The following SEC11A variants were observed in gnomAD, a reference collection of about 807,000 sequenced individuals.
SEC11A encodes the protein signal peptidase complex catalytic subunit SEC11A.
A neutral mutation model predicts 25.6 loss-of-function variants in SEC11A; 14 were observed. The ratio of observed to expected loss-of-function variants is 0.55; its 90% CI spans 0.36 to 0.85. The LOEUF (loss-of-function observed/expected upper bound fraction) is 0.85, where lower values mean the gene tolerates loss of function less well. Among genes scored for constraint, SEC11A ranks in the 40% least tolerant of loss-of-function variants. The pLI is 0.01. For synonymous variants in SEC11A, 83 were observed against 76.4 expected (o/e 1.09, Z -0.45); for missense variants, 153 against 222.9 (o/e 0.69, Z 2.00).
intron 1 of SEC11A, among the ~76,000 whole-genome samples, chr15:84,698,047 A>C (rs1897819064): frequency 6.6e-6 from 1 of 152,028 alleles, no homozygotes; most frequent in Non-Finnish European, 1.5e-5. Flanking sequence ...CCTTCCCCCA[A>C]ACTCCTGTGA....
At chr15:84,707,577 G>A (rs1898134386) in intron 1 of SEC11A, among the ~76,000 whole-genome samples, 1 of 151,942 alleles carries the variant, frequency 6.6e-6, no homozygotes, top group South Asian at 2.1e-4. Context: ...CATGTTTTTT[G>A]GACAAAATTT....
intron 4 of SEC11A, among the ~76,000 whole-genome samples, chr15:84,675,511 A>G (rs1369307369): frequency 6.6e-6 from 1 of 152,250 alleles, no homozygotes; most frequent in Non-Finnish European, 1.5e-5. Context: ...ATATGCGATG[A>G]CCAGAAAAGG....
In SEC11A at chr15:84,691,684, C is replaced by T. The variant is rs1245973344; in HGVS notation, c.52-40G>A. On this transcript the variant is annotated intron_variant, in intron 1 of 5. Transcript: ENST00000268220. The stretch of plus-strand genomic sequence containing the variant: ...CAGAAGAGATCAGATCCACCATTAT[C>T]CCCACTTCGGAAAGCAACTGAAAGC... 8.4e-6 allele frequency: 10 copies of T among 1,197,100 alleles called. No individual in the cohort carries two copies. The South Asian group carries it at 1.1e-4, about 13-fold the overall frequency. 74.2% of individuals were successfully genotyped at this position (1,197,100 alleles called of 1,614,324 possible).
chr15:84,688,352 C>A (rs1432133521), intron 2 of SEC11A, among the ~76,000 whole-genome samples: 2 of 152,120 alleles, frequency 1.3e-5, no homozygotes, highest in Non-Finnish European at 2.9e-5. Context: ...AAGGAATAAG[C>A]AGAGATTTTT....
intron 2 of SEC11A, among the ~76,000 whole-genome samples, chr15:84,689,065 A>G (rs1426263370): frequency 6.6e-6 from 1 of 151,636 alleles, no homozygotes; most frequent in Admixed American, 6.6e-5. Flanking sequence ...GAAAAGAAAA[A>G]AAAGAAAAGA....
At chr15:84,703,939 C>T (rs1898022851) in intron 1 of SEC11A, among the ~76,000 whole-genome samples, 1 of 152,142 alleles carries the variant, frequency 6.6e-6, no homozygotes, top group African/African-American at 2.4e-5. Flanking sequence ...ATTTCCCCAG[C>T]CACCTGTCTT....
At chr15:84,679,989 T>C (rs1164684006) in intron 4 of SEC11A, 25 of 1,492,022 alleles carry the variant, frequency 1.7e-5, no homozygotes, top group Non-Finnish European at 2.1e-5. Context: ...ACAGGCTTAA[T>C]ATAACTTTTT....
intron 1 of SEC11A, among the ~76,000 whole-genome samples, chr15:84,705,142 C>T (rs1898058493): frequency 6.6e-6 from 1 of 152,158 alleles, no homozygotes; most frequent in Admixed American, 6.6e-5. Context: ...CCAGGCTGGT[C>T]TTGAACTCCT....
At chr15:84,693,996 A>C (rs900912663) in intron 1 of SEC11A, among the ~76,000 whole-genome samples, 19 of 152,228 alleles carry the variant, frequency 1.2e-4, no homozygotes, top group Non-Finnish European at 2.2e-4. Flanking sequence ...TCTGTGTGAC[A>C]GATTACAGGT....
chr15:84,714,616 A>G (rs981027527), intron 1 of SEC11A: 10 of 152,222 alleles, frequency 6.6e-5, no homozygotes, highest in Non-Finnish European at 1.2e-4. Context: ...TAAGTAGCAG[A>G]GCTACTTCAA....
At chr15:84,683,795 G>A (rs1897341963) in intron 3 of SEC11A, among the ~76,000 whole-genome samples, 1 of 150,496 alleles carries the variant, frequency 6.6e-6, no homozygotes, top group East Asian at 1.9e-4. Context: ...AAAGTGCTGG[G>A]ATAACAGGCC....
intron 1 of SEC11A, among the ~76,000 whole-genome samples, chr15:84,710,162 A>AT (rs1898217383): frequency 6.6e-6 from 1 of 152,248 alleles, no homozygotes; most frequent in Non-Finnish European, 1.5e-5. Flanking sequence ...AAAGTTTCCT[A>AT]TTTATATACA....
intron 3 of SEC11A, among the ~76,000 whole-genome samples, chr15:84,686,214 AAGC>A (rs1221514954): frequency 1.3e-5 from 2 of 152,254 alleles, no homozygotes; most frequent in African/African-American, 4.8e-5. Flanking sequence ...AAAAAAAAAT[AAGC>A]AGTCATATCT....
At chr15:84,686,503 C>CA (rs1242928031) in intron 3 of SEC11A, 2 of 152,238 alleles carry the variant, frequency 1.3e-5, no homozygotes, top group African/African-American at 4.8e-5. Flanking sequence ...CCCAGCTACT[C>CA]AGAAGGCTGA....
At chr15:84,695,386 C>G (rs1267358110) in intron 1 of SEC11A, among the ~76,000 whole-genome samples, 1 of 151,726 alleles carries the variant, frequency 6.6e-6, no homozygotes, top group Non-Finnish European at 1.5e-5. Flanking sequence ...TCGCTTGAAC[C>G]TGGGAGGCGG....
intron 1 of SEC11A, among the ~76,000 whole-genome samples, chr15:84,704,136 A>G (rs1898028615): frequency 6.6e-6 from 1 of 152,204 alleles, no homozygotes; most frequent in Admixed American, 6.6e-5. Flanking sequence ...CAATCATGAA[A>G]GGAACAGCAA....
intron 1 of SEC11A, among the ~76,000 whole-genome samples, chr15:84,698,588 A>G (rs1184062390): frequency 6.6e-6 from 1 of 152,250 alleles, no homozygotes; most frequent in Non-Finnish European, 1.5e-5. Flanking sequence ...TGAATCTTAA[A>G]TGATAATTTT....
chr15:84,710,211 T>C (rs1218544647), intron 1 of SEC11A, among the ~76,000 whole-genome samples: 1 of 152,228 alleles, frequency 6.6e-6, no homozygotes, highest in East Asian at 1.9e-4. Context: ...AAGTCTCAGA[T>C]CTATAAAAAT....
rs948784247 is a variant in SEC11A, at chr15:84,669,850, C to G, written c.*169G>C. 1 of 1,259,838 alleles carries G rather than the reference C, an allele frequency of 7.9e-7. No homozygotes were observed. The highest frequency in any genetic ancestry group is 1.1e-6 in the Non-Finnish European group (1 of 901,622). 78.0% of individuals were successfully genotyped at this position (1,259,838 alleles called of 1,614,324 possible). On this transcript the variant is annotated 3_prime_UTR_variant, in exon 6 of 6. Coordinates refer to ENST00000268220, the MANE Select transcript of SEC11A (RefSeq NM_014300.4). ...TCGAGTGCACTCTGTGGTGCACATG[C>G]GCCCGCCCACACAAACTCTGGCATG...
Sources: allele counts gnomAD v4.1 joint callset (sites outside exome capture counted in the v4.1 genomes callset), GRCh38; gene constraint gnomAD v4.1.1; transcripts MANE v1.5; gene names NCBI Gene and HGNC (gene_info 2026-07-23, HGNC 2026-07-21).